The following SNTG1 variants were observed in gnomAD, a reference collection of about 807,000 sequenced individuals.
SNTG1 encodes the protein gamma-1-syntrophin.
In SNTG1, 39 loss-of-function variants were observed where a neutral mutation model predicts 74.7. That is an observed-to-expected ratio of 0.52 (90% confidence interval 0.40 to 0.68). SNTG1 has a LOEUF of 0.68. Ranked by LOEUF, SNTG1 falls within the 30% of genes least tolerant of loss-of-function variation. SNTG1 has a pLI of 0.00. For synonymous variants in SNTG1, 254 were observed against 217.1 expected (o/e 1.17, Z -1.49); for missense variants, 685 against 609.5 (o/e 1.12, Z -1.30).
At chr8:50,125,122 T>G (rs1239198411) in intron 1 of SNTG1, among the ~76,000 whole-genome samples, 1 of 142,132 alleles carries the variant, frequency 7.0e-6, no homozygotes, top group Non-Finnish European at 1.6e-5. Context: ...TGTAAAAAGA[T>G]TATGTGAATA....
At chr8:50,356,110 A>G (rs2091809330) in intron 2 of SNTG1, among the ~76,000 whole-genome samples, 1 of 151,300 alleles carries the variant, frequency 6.6e-6, no homozygotes, top group Admixed American at 6.6e-5. Flanking sequence ...TTTTCCATCC[A>G]TGTGCAGTTT....
chr8:50,592,981 G>T (rs2130885496), intron 13 of SNTG1, among the ~76,000 whole-genome samples: 1 of 152,216 alleles, frequency 6.6e-6, no homozygotes, highest in Middle Eastern at 3.4e-3. Context: ...CGCATTAATT[G>T]ACTAGAGTAC....
chr8:50,617,599 C>T lies in SNTG1; in HGVS notation c.849+26682C>T, dbSNP rs28716162. On this transcript the variant is annotated intron_variant, in intron 13 of 18. Coordinates refer to ENST00000642720, the MANE Select transcript of SNTG1 (RefSeq NM_018967.5). ...AAGTTAAAGAAGGAAGGGGTGTATT[C>T]GGCCTGGGGCATCGGCAAGACTCCT... Among the ~76,000 whole-genome samples the T allele has an allele frequency of 7.2e-5, 11 of 152,178 alleles. No individual in the cohort carries two copies. The East Asian group carries it at 7.7e-4, about 11-fold the overall frequency.
intron 1 of SNTG1, among the ~76,000 whole-genome samples, chr8:50,057,043 C>T (rs1172217954): frequency 6.6e-6 from 1 of 152,122 alleles, no homozygotes; most frequent in African/African-American, 2.4e-5. Flanking sequence ...CATATTTCAT[C>T]ATGCACTTCT....
intron 18 of SNTG1, among the ~76,000 whole-genome samples, chr8:50,785,675 C>T (rs367602077): frequency 4.6e-5 from 7 of 152,052 alleles, no homozygotes; most frequent in East Asian, 1.9e-4. Flanking sequence ...ATTTGAGATT[C>T]GAATTAGCTT....
intron 12 of SNTG1, among the ~76,000 whole-genome samples, chr8:50,583,650 C>G (rs750739467): frequency 7.9e-5 from 12 of 151,242 alleles, no homozygotes; most frequent in Non-Finnish European, 1.2e-4. Context: ...TGCTGGAAGT[C>G]TCTATAAAGT....
At chr8:50,010,534 A>G (rs1234398217) in intron 1 of SNTG1, among the ~76,000 whole-genome samples, 1 of 152,162 alleles carries the variant, frequency 6.6e-6, no homozygotes, top group African/African-American at 2.4e-5. Flanking sequence ...ACACATATGG[A>G]TGAAAAAAAA....
chr8:50,726,348 C>T (rs1014083685), intron 17 of SNTG1, among the ~76,000 whole-genome samples: 2 of 152,114 alleles, frequency 1.3e-5, no homozygotes, highest in Non-Finnish European at 2.9e-5. Context: ...GAAAAAGCTT[C>T]CCTAAGGAGT....
chr8:49,977,860 T>A (rs1812329478), intron 1 of SNTG1, among the ~76,000 whole-genome samples: 1 of 152,208 alleles, frequency 6.6e-6, no homozygotes, highest in African/African-American at 2.4e-5. Context: ...GTAGTGGAGA[T>A]GTGGCACCAC....
At chr8:50,545,205 A>C (rs1054061522) in intron 11 of SNTG1, among the ~76,000 whole-genome samples, 2 of 151,832 alleles carry the variant, frequency 1.3e-5, no homozygotes, top group Non-Finnish European at 2.9e-5. Flanking sequence ...TGTTACAGTC[A>C]TGTACTATTG....
Position 49,912,167 on chromosome 8 carries a change from T to A in SNTG1, c.-167T>A, listed in dbSNP as rs1454376369. 6 of 152,104 alleles carry A rather than the reference T, an allele frequency of 3.9e-5. No homozygotes were observed. Among genetic ancestry groups the A allele is most frequent in the Middle Eastern group, 3.2e-3 (1 of 316 alleles). The allele number at this position is 152,104 out of a possible 1,614,324, so 9.4% of individuals were successfully genotyped here. A position where few individuals can be genotyped will look rare whatever the true frequency, so the allele number is the denominator to read the frequency against. ...TGGAAATAGCTTTGTGAAAAGAGGG[T>A]GGAGAGCTACTCAAAATTCTACGTT... On this transcript the variant is annotated 5_prime_UTR_variant, in exon 1 of 19. Transcript: ENST00000642720.
At chr8:50,294,648 T>A (rs1332814110) in intron 2 of SNTG1, among the ~76,000 whole-genome samples, 1 of 152,176 alleles carries the variant, frequency 6.6e-6, no homozygotes, top group Non-Finnish European at 1.5e-5. Context: ...GGCCCACCCA[T>A]GTTATGGCAA....
chr8:50,615,121 TTTG>T (rs2131008739), intron 13 of SNTG1, among the ~76,000 whole-genome samples: 2 of 151,896 alleles, frequency 1.3e-5, no homozygotes, highest in South Asian at 4.2e-4. Context: ...TTTTTGTTTG[TTTG>T]TTTGTTTTTG....
intron 2 of SNTG1, among the ~76,000 whole-genome samples, chr8:50,216,099 A>C (rs2084779116): frequency 6.6e-6 from 1 of 152,094 alleles, no homozygotes; most frequent in East Asian, 1.9e-4. Flanking sequence ...TGGCTTGGAC[A>C]CCTGTCATTC....
chr8:50,780,879 G>T (rs2095657274), intron 18 of SNTG1, among the ~76,000 whole-genome samples: 1 of 152,142 alleles, frequency 6.6e-6, no homozygotes, highest in East Asian at 1.9e-4. Context: ...CTTTGAATGT[G>T]GCCCAGAGAT....
At chr8:49,929,977 A>G (rs1807413045) in intron 1 of SNTG1, among the ~76,000 whole-genome samples, 1 of 150,834 alleles carries the variant, frequency 6.6e-6, no homozygotes. Context: ...GAGGCAGAAA[A>G]CCAAAATAAC....
At chr8:50,568,204 G>A (rs1225864193) in intron 12 of SNTG1, among the ~76,000 whole-genome samples, 2 of 115,738 alleles carry the variant, frequency 1.7e-5, no homozygotes, top group East Asian at 3.1e-4. Flanking sequence ...TTTAATGGCT[G>A]AATAGTATTC....
intron 1 of SNTG1, among the ~76,000 whole-genome samples, chr8:50,118,177 A>T (rs2080887145): frequency 6.6e-6 from 1 of 152,278 alleles, no homozygotes; most frequent in East Asian, 1.9e-4. Context: ...TTGTTAAGGC[A>T]TTGGAAGTGT....
chr8:50,575,346 G>A (rs1243059097), intron 12 of SNTG1, among the ~76,000 whole-genome samples: 1 of 152,134 alleles, frequency 6.6e-6, no homozygotes, highest in Non-Finnish European at 1.5e-5. Flanking sequence ...TCCATTGCAA[G>A]GCCAAACACA....
Sources: allele counts gnomAD v4.1 joint callset (sites outside exome capture counted in the v4.1 genomes callset), GRCh38; gene constraint gnomAD v4.1.1; transcripts MANE v1.5; gene names NCBI Gene and HGNC (gene_info 2026-07-23, HGNC 2026-07-21).